VWDE: variants seen among roughly 807,000 people sequenced by gnomAD.
The protein encoded by VWDE is von Willebrand factor D and EGF domains.
A neutral mutation model predicts 178.4 loss-of-function variants in VWDE; 207 were observed. The ratio of observed to expected loss-of-function variants is 1.16; its 90% CI spans 1.04 to 1.30. The LOEUF is 1.30. Ranked by LOEUF, VWDE falls within the 50% of genes most tolerant of loss-of-function variation. The pLI is 0.00. For missense variants in VWDE, 2,287 were observed against 1,901.3 expected (o/e 1.20, Z -3.77); for synonymous variants, 738 against 651.4 (o/e 1.13, Z -2.02).
At chr7:12,385,119 T>G (rs929652739) in intron 3 of VWDE, among the ~76,000 whole-genome samples, 6 of 152,130 alleles carry the variant, frequency 3.9e-5, no homozygotes, top group Non-Finnish European at 8.8e-5. Context: ...ATTAATATTT[T>G]TTCTTGACTT....
intron 19 of VWDE, among the ~76,000 whole-genome samples, chr7:12,349,822 G>T (rs1781833888): frequency 6.6e-6 from 1 of 151,984 alleles, no homozygotes; most frequent in Non-Finnish European, 1.5e-5. Flanking sequence ...CAACTTTGGA[G>T]ATGAGAAAAG....
chr7:12,393,761 C>A lies in VWDE; in HGVS notation c.76G>T (p.Gly26Trp), dbSNP rs867964143. The A allele has an allele frequency of 6.5e-7, 1 of 1,549,720 alleles. No individual in the cohort carries two copies. The highest frequency in any genetic ancestry group is 8.7e-7 in the Non-Finnish European group (1 of 1,146,156). ...AWGEAQECSPGGHQFLRSPYR... is the reference protein window; with the variant it reads ...AWGEAQECSPWGHQFLRSPYR... The stretch of plus-strand genomic sequence containing the variant: ...GGACTCCGAAGAAACTGGTGTCCCC[C>A]AGGAGAGCACTCCTGAGCTAGTATG... Residue 26 changes from glycine to tryptophan, a missense_variant, in exon 2 of 29, where the codon GGG (glycine) becomes TGG (tryptophan). By Grantham distance (184) the Gly-to-Trp change is radical. Coordinates refer to ENST00000275358, the MANE Select transcript of VWDE (RefSeq NM_001135924.3).
chr7:12,370,364 A>C lies in VWDE; in HGVS notation c.1942T>G (p.Leu648Val), dbSNP rs1342225700. ...LDSVSRSEIA[L>V]GCKDLNHVSL... is the part of the protein sequence containing the mutation. ...ACATGATTGAGGTCTTTGCAACCCA[A>C]GGCAATTTCTGATCGAGAAACACTG... is the stretch of plus-strand genomic sequence containing the variant. The change falls in exon 12 of 29, where the codon TTG becomes GTG. Residue 648 changes from leucine to valine, a missense_variant. Coordinates refer to ENST00000275358, the MANE Select transcript of VWDE (RefSeq NM_001135924.3). 1.3e-6 allele frequency: 2 copies of C among 1,551,128 alleles called. No homozygotes were observed. The highest frequency in any genetic ancestry group is 2.7e-5 in the African/African-American group (2 of 73,144).
At chr7:12,348,710 G>A (rs1781752653) in intron 19 of VWDE, among the ~76,000 whole-genome samples, 5 of 149,666 alleles carry the variant, frequency 3.3e-5, no homozygotes, top group Admixed American at 2.7e-4. Context: ...ATTTGACCCA[G>A]CCATCCCATT....
chr7:12,399,773 G>T (rs1208189810), intron 1 of VWDE, among the ~76,000 whole-genome samples: 1 of 151,956 alleles, frequency 6.6e-6, no homozygotes, highest in Non-Finnish European at 1.5e-5. Context: ...CTTAAGCCCA[G>T]GAGTTCAAAT....
At chr7:12,367,211 G>T in intron 13 of VWDE, 146 bp downstream of exon 13, 1 of 543,128 alleles carries the variant, frequency 1.8e-6, no homozygotes. Flanking sequence ...TCAACATTAT[G>T]TAACTTAATC....
At chr7:12,389,671 A>G (rs151088282) in intron 2 of VWDE, among the ~76,000 whole-genome samples, 86 of 152,352 alleles carry the variant, frequency 5.6e-4, no homozygotes, top group Non-Finnish European at 9.4e-4. Context: ...TAGCTGATAC[A>G]TTCTAAAATA....
In VWDE at chr7:12,370,374, T is replaced by C; in HGVS notation, c.1932A>G (p.Ser644=). 6.4e-7 allele frequency: 1 copy of C among 1,550,916 alleles called. No individual in the cohort carries two copies. Among genetic ancestry groups the C allele is most frequent in the Admixed American group, 2.0e-5 (1 of 50,978 alleles). The change falls in exon 12 of 29, where the codon TCA becomes TCG. Residue 644 remains serine, a synonymous_variant. Coordinates refer to ENST00000275358, the MANE Select transcript of VWDE (RefSeq NM_001135924.3). ...SSEDLDSVSR[S]EIALGCKDLN... ...GGTCTTTGCAACCCAAGGCAATTTC[T>C]GATCGAGAAACACTGTCCAGATCTT...
chr7:12,355,384 C>G (rs1367234062), intron 18 of VWDE, among the ~76,000 whole-genome samples: 1 of 149,744 alleles, frequency 6.7e-6, no homozygotes. Flanking sequence ...CCACTGCACT[C>G]CAGCCTGGGC....
chr7:12,337,697 C>T (rs1781119023), intron 24 of VWDE, among the ~76,000 whole-genome samples: 1 of 152,106 alleles, frequency 6.6e-6, no homozygotes, highest in African/African-American at 2.4e-5. Flanking sequence ...TTTAAATTAG[C>T]TTTCGAGTAC....
intron 17 of VWDE, among the ~76,000 whole-genome samples, chr7:12,357,048 T>G (rs1583298340): frequency 6.6e-6 from 1 of 152,186 alleles, no homozygotes; most frequent in East Asian, 1.9e-4. Flanking sequence ...AGTATAGAAA[T>G]TATTAATTTA....
intron 28 of VWDE, among the ~76,000 whole-genome samples, chr7:12,331,696 G>T (rs2128542659): frequency 6.6e-6 from 1 of 152,130 alleles, no homozygotes; most frequent in South Asian, 2.1e-4. Flanking sequence ...CCTAACATTA[G>T]GTGCTACTAT....
chr7:12,395,596 C>G (rs1784583299), intron 1 of VWDE, among the ~76,000 whole-genome samples: 3 of 152,076 alleles, frequency 2.0e-5, no homozygotes, highest in East Asian at 1.9e-4. Flanking sequence ...ATATTTAACT[C>G]AAAATTTTAT....
At chr7:12,379,453 T>C in intron 6 of VWDE, 24 bp downstream of exon 6, 1 of 1,495,086 alleles carries the variant, frequency 6.7e-7, no homozygotes, top group Non-Finnish European at 9.1e-7. Flanking sequence ...ATAATCTTTC[T>C]GATGCATCCC....
At chr7:12,392,381 C>G (rs1784426003) in intron 2 of VWDE, among the ~76,000 whole-genome samples, 1 of 152,164 alleles carries the variant, frequency 6.6e-6, no homozygotes, top group African/African-American at 2.4e-5. Flanking sequence ...TAGACTTAGT[C>G]TCATTCCTTA....
intron 2 of VWDE, among the ~76,000 whole-genome samples, chr7:12,390,955 C>G (rs1784357115): frequency 6.6e-6 from 1 of 152,084 alleles, no homozygotes; most frequent in Non-Finnish European, 1.5e-5. Context: ...TGCAGAATTA[C>G]TTATTATAGC....
At chr7:12,385,367 T>C (rs1373498513) in intron 3 of VWDE, among the ~76,000 whole-genome samples, 1 of 152,202 alleles carries the variant, frequency 6.6e-6, no homozygotes, top group Non-Finnish European at 1.5e-5. Context: ...CCTTCGAAGA[T>C]AGAGATGATC....
Position 12,331,056 on chromosome 7 carries a change from G to A in VWDE, c.*127C>T, listed in dbSNP as rs989926289. On this transcript the variant is annotated 3_prime_UTR_variant, in exon 29 of 29. Transcript: ENST00000275358. ...ACAGAGATCATTATGTATTTTATTA[G>A]TTTCTTCAGTCTTTAAGATATTTTT... 9 of 667,998 alleles carry A rather than the reference G, an allele frequency of 1.3e-5. No individual in the cohort carries two copies. In the African/African-American group the frequency reaches 1.7e-4, roughly 13 times the overall value. The allele number at this position is 667,998 out of a possible 1,614,324, so 41.4% of individuals were successfully genotyped here. A position where few individuals can be genotyped will look rare whatever the true frequency, so the allele number is the denominator to read the frequency against.
intron 26 of VWDE, 24 bp downstream of exon 26, chr7:12,336,964 G>C: frequency 6.6e-7 from 1 of 1,525,488 alleles, no homozygotes; most frequent in Middle Eastern, 1.7e-4. Flanking sequence ...GAAAGCTTCA[G>C]TGTTTTAAGA....
Sources: gnomAD v4.1 joint callset for allele counts (sites outside exome capture counted in the v4.1 genomes callset) on GRCh38, gnomAD v4.1.1 for gene constraint, MANE v1.5 for transcripts, NCBI Gene and HGNC (gene_info 2026-07-23, HGNC 2026-07-21) for gene names.